PCDHGA5: variants seen among roughly 807,000 people sequenced by gnomAD.
The protein encoded by PCDHGA5 is protocadherin gamma subfamily A, 5.
Under a neutral mutation model 56.7 loss-of-function variants are expected in PCDHGA5, and 36 were observed. That is an observed-to-expected ratio of 0.64 (90% confidence interval 0.49 to 0.84). The LOEUF is 0.84. Among genes scored for constraint, PCDHGA5 ranks in the 40% least tolerant of loss-of-function variants. The pLI is 0.00. For synonymous variants in PCDHGA5, 563 were observed against 520.2 expected (o/e 1.08, Z -1.12); for missense variants, 1,305 against 1,201.5 (o/e 1.09, Z -1.27).
chr5:141,383,381 A>G, intron 1 of PCDHGA5: 2 of 1,614,034 alleles, frequency 1.2e-6, no homozygotes, highest in Non-Finnish European at 1.7e-6. Flanking sequence ...GGGGATCCAG[A>G]TGTGGGCACG....
At chr5:141,382,271 A>T (rs1445188092) in intron 1 of PCDHGA5, among the ~76,000 whole-genome samples, 1 of 152,214 alleles carries the variant, frequency 6.6e-6, no homozygotes, top group East Asian at 1.9e-4. Context: ...TCTAGAACAT[A>T]TGTGTTCAAT....
At chr5:141,469,929 G>C (rs1208858245) in intron 1 of PCDHGA5, among the ~76,000 whole-genome samples, 1 of 152,168 alleles carries the variant, frequency 6.6e-6, no homozygotes, top group Non-Finnish European at 1.5e-5. Context: ...TCAGGAGTTT[G>C]AGACCAGCCT....
At chr5:141,469,408 C>A (rs765861544) in intron 1 of PCDHGA5, among the ~76,000 whole-genome samples, 20 of 152,008 alleles carry the variant, frequency 1.3e-4, no homozygotes, top group Non-Finnish European at 2.6e-4. Flanking sequence ...AACCCCGTTT[C>A]TACTAAAAAT....
In PCDHGA5 at chr5:141,476,335, C is replaced by A; in HGVS notation, c.2422-18472C>A. On this transcript the variant is annotated intron_variant, in intron 1 of 3. Coordinates refer to ENST00000518069, the MANE Select transcript of PCDHGA5 (RefSeq NM_018918.3). The surrounding 1 kb of genome is among the most constrained non-coding windows in gnomAD (Gnocchi z 7.6). Reference sequence around the variant, plus strand: ...GGTTCCGGGTGGTGTCTGGAGCTAGCCGAAGATTCTTTGAGGTGAACCGGG... The same window carrying A: ...GGTTCCGGGTGGTGTCTGGAGCTAGACGAAGATTCTTTGAGGTGAACCGGG... 2 of 1,614,120 alleles carry A rather than the reference C, an allele frequency of 1.2e-6. No individual in the cohort carries two copies. Among genetic ancestry groups the A allele is most frequent in the Non-Finnish European group, 1.7e-6 (2 of 1,180,026 alleles).
chr5:141,371,323 AAG>A, intron 1 of PCDHGA5: 1 of 1,614,012 alleles, frequency 6.2e-7, no homozygotes, highest in Non-Finnish European at 8.5e-7. Context: ...CTGGACTTTG[AAG>A]AGAGAGATAG....
In PCDHGA5 at chr5:141,365,178, A is replaced by G; in HGVS notation, c.848A>G (p.Asn283Ser). The G allele has an allele frequency of 1.2e-6, 2 of 1,613,928 alleles. No homozygotes were observed. Among genetic ancestry groups the G allele is most frequent in the Non-Finnish European group, 1.7e-6 (2 of 1,179,888 alleles). Residue 283 changes from asparagine (N) to serine (S), a missense_variant, in exon 1 of 4, where the codon AAT becomes AGT. Coordinates refer to ENST00000518069, the MANE Select transcript of PCDHGA5 (RefSeq NM_018918.3). ...INGKLTYSFR[N>S]EEEKISETFQ... is the part of the protein sequence containing the mutation. The stretch of plus-strand genomic sequence containing the variant: ...GGGAAATTGACCTACTCTTTTCGCA[A>G]TGAAGAAGAAAAAATTTCGGAGACT...
chr5:141,385,339 C>T (rs1379260130), intron 1 of PCDHGA5: 1 of 1,570,014 alleles, frequency 6.4e-7, no homozygotes, highest in African/African-American at 1.4e-5. Flanking sequence ...CCCAGCCCTT[C>T]CTTTATTTCC....
Position 141,420,935 on chromosome 5 carries a change from A to G in PCDHGA5, c.2421+54184A>G, listed in dbSNP as rs542779087. ...GTGATTCACAAAGGTGAGCGTAATCATTTCTTCTGGAATTTCTTAGTCGTT... is the reference window on the plus strand; with the variant it reads ...GTGATTCACAAAGGTGAGCGTAATCGTTTCTTCTGGAATTTCTTAGTCGTT... On this transcript the variant is annotated intron_variant, in intron 1 of 3. Coordinates refer to ENST00000518069, the MANE Select transcript of PCDHGA5 (RefSeq NM_018918.3). 2.6e-5 allele frequency: 10 copies of G among 380,486 alleles called. 1 individual carries two copies. Among genetic ancestry groups the G allele is most frequent in the African/African-American group, 1.7e-4 (8 of 47,720 alleles). The allele number at this position is 380,486 out of a possible 1,614,324, so 23.6% of individuals were successfully genotyped here.
At position 141,512,644 on chromosome 5, in the gene PCDHGA5, G is replaced by T. The variant is rs1283774989; in HGVS notation, c.*1471G>T. Reference sequence around the variant, plus strand: ...ACCCCAGACCTGCCCTTACAGTAGTGTAGCGCCCCCTCCCTCTTTCGGCTG... The same window carrying T: ...ACCCCAGACCTGCCCTTACAGTAGTTTAGCGCCCCCTCCCTCTTTCGGCTG... On this transcript the variant is annotated 3_prime_UTR_variant, in exon 4 of 4. Coordinates refer to ENST00000518069, the MANE Select transcript of PCDHGA5 (RefSeq NM_018918.3). 1 of 152,528 alleles carries T rather than the reference G, an allele frequency of 6.6e-6. No individual in the cohort carries two copies. The allele number at this position is 152,528 out of a possible 1,614,324, so 9.4% of individuals were successfully genotyped here.
chr5:141,451,978 T>A (rs1329730658), intron 1 of PCDHGA5, among the ~76,000 whole-genome samples: 1 of 152,188 alleles, frequency 6.6e-6, no homozygotes, highest in Non-Finnish European at 1.5e-5. Flanking sequence ...TTTGCTGTAG[T>A]TTGTTCATTA....
intron 1 of PCDHGA5, chr5:141,478,871 T>C: frequency 2.4e-6 from 3 of 1,274,796 alleles, no homozygotes; most frequent in Non-Finnish European, 3.1e-6. Flanking sequence ...GCGATCAGAG[T>C]TTAGCTTGGT....
rs561053469 is a variant in PCDHGA5 at position 141,389,531 on chromosome 5, A to G, written c.2421+22780A>G. The G allele has an allele frequency of 5.0e-6, 8 of 1,613,210 alleles. No individual in the cohort carries two copies. In the East Asian group the frequency reaches 6.7e-5, roughly 13 times the overall value. On this transcript the variant is annotated intron_variant, in intron 1 of 3. Transcript: ENST00000518069. ...GCGCGAACGTGAGCCTGCGCGTGTT[A>G]GTGGACGACCGCAACGACAATGCGC...
intron 1 of PCDHGA5, chr5:141,393,519 A>G: frequency 6.2e-7 from 1 of 1,614,036 alleles, no homozygotes; most frequent in African/African-American, 1.3e-5. Flanking sequence ...GTTGGATACA[A>G]ATGACAATGC....
chr5:141,418,330 A>C (rs1346623372), intron 1 of PCDHGA5: 2 of 1,613,922 alleles, frequency 1.2e-6, no homozygotes, highest in Admixed American at 1.7e-5. Flanking sequence ...TTGAGTCTGC[A>C]GAAGATCCTG....
At chr5:141,384,638 G>C in intron 1 of PCDHGA5, 1 of 1,614,188 alleles carries the variant, frequency 6.2e-7, no homozygotes, top group Non-Finnish European at 8.5e-7. Context: ...CTGGCACCCC[G>C]CTCCGCAGAG....
intron 1 of PCDHGA5, among the ~76,000 whole-genome samples, chr5:141,465,592 A>G (rs1485357197): frequency 6.6e-6 from 1 of 152,046 alleles, no homozygotes; most frequent in Non-Finnish European, 1.5e-5. Flanking sequence ...TAATAATCAG[A>G]TCTTATCACT....
At chr5:141,370,971 G>T in intron 1 of PCDHGA5, 1 of 1,614,016 alleles carries the variant, frequency 6.2e-7, no homozygotes, top group Non-Finnish European at 8.5e-7. Context: ...TAGGTACCCA[G>T]AGCTAGTACT....
chr5:141,422,078 A>G lies in PCDHGA5; in HGVS notation c.2421+55327A>G, dbSNP rs1442545718. 11 of 1,612,298 alleles carry G rather than the reference A, an allele frequency of 6.8e-6. No homozygotes were observed. In the South Asian group the frequency reaches 8.8e-5, roughly 13 times the overall value. Reference sequence around the variant, plus strand: ...GGGGAAGTAATGTATTCATTTCGGAACATGGAAAGCAAGGCTTCTGAAATA... The same window carrying G: ...GGGGAAGTAATGTATTCATTTCGGAGCATGGAAAGCAAGGCTTCTGAAATA... On this transcript the variant is annotated intron_variant, in intron 1 of 3. Coordinates refer to ENST00000518069, the MANE Select transcript of PCDHGA5 (RefSeq NM_018918.3).
chr5:141,504,956 G>A (rs1327603937), intron 2 of PCDHGA5, among the ~76,000 whole-genome samples: 1 of 152,096 alleles, frequency 6.6e-6, no homozygotes, highest in Non-Finnish European at 1.5e-5. Context: ...TATGTTCAAT[G>A]CATTGGACCA....
Sources: gnomAD v4.1 joint callset for allele counts (sites outside exome capture counted in the v4.1 genomes callset) on GRCh38, gnomAD v4.1.1 for gene constraint, Gnocchi (gnomAD v3.1) non-coding constraint, MANE v1.5 for transcripts, NCBI Gene and HGNC (gene_info 2026-07-23, HGNC 2026-07-21) for gene names.